GABRA3: variants seen among roughly 807,000 people sequenced by gnomAD.
GABRA3 encodes gamma-aminobutyric acid type A receptor subunit alpha3.
In GABRA3, 10 loss-of-function variants were observed where a neutral mutation model predicts 30.1. The ratio of observed to expected loss-of-function variants is 0.33; its 90% confidence interval spans 0.20 to 0.56. The LOEUF is 0.56. Among genes scored for constraint, GABRA3 ranks in the 20% least tolerant of loss-of-function variants. GABRA3 has a pLI of 0.89. For synonymous variants in GABRA3, 151 were observed against 146.8 expected (o/e 1.03, Z -0.21); for missense variants, 233 against 392.0 (o/e 0.59, Z 3.42).
intron 9 of GABRA3, among the ~76,000 whole-genome samples, chrX:152,188,346 G>A (rs987458176): frequency 9.0e-6 from 1 of 111,366 alleles, no homozygotes; most frequent in South Asian, 3.8e-4. Context: ...ACAATTATAG[G>A]ATTTACAGTT....
chrX:152,182,634 T>A (rs373681811), intron 9 of GABRA3, among the ~76,000 whole-genome samples: 94 of 6,356 alleles, frequency 0.015, no homozygotes, highest in Non-Finnish European at 0.027. Flanking sequence ...ATATATACAC[T>A]ATATATACAC....
At chrX:152,402,774 G>T (rs2124523560) in intron 1 of GABRA3, among the ~76,000 whole-genome samples, 1 of 111,621 alleles carries the variant, frequency 9.0e-6, no homozygotes, top group African/African-American at 3.2e-5. Flanking sequence ...ACCAAGAATG[G>T]GGATACAAAT....
chrX:152,332,199 T>C, intron 3 of GABRA3, among the ~76,000 whole-genome samples: 1 of 112,271 alleles, frequency 8.9e-6, no homozygotes, highest in Non-Finnish European at 1.9e-5. Context: ...TCTTATCCAA[T>C]ACTATAAACA....
At chrX:152,262,713 T>C (rs1284020419) in intron 4 of GABRA3, among the ~76,000 whole-genome samples, 4 of 111,988 alleles carry the variant, frequency 3.6e-5, no homozygotes, top group South Asian at 3.7e-4. Flanking sequence ...TCTAAGTCTC[T>C]AGAAAGTTCC....
At chrX:152,321,752 G>C (rs774254840) in intron 3 of GABRA3, among the ~76,000 whole-genome samples, 3 of 111,110 alleles carry the variant, frequency 2.7e-5, no homozygotes, top group African/African-American at 6.5e-5. Context: ...TTCCTAGTTA[G>C]GTGTTTGTGC....
chrX:152,439,384 C>T (rs746080167), intron 1 of GABRA3, among the ~76,000 whole-genome samples: 132 of 111,117 alleles, frequency 1.2e-3, no homozygotes, highest in Middle Eastern at 4.6e-3. Flanking sequence ...TCACCTGCCA[C>T]GGCCTCCAAA....
At chrX:152,421,961 CT>C (rs199508394) in intron 1 of GABRA3, among the ~76,000 whole-genome samples, 30,522 of 110,116 alleles carry the variant, frequency 0.28, 3,233 homozygotes, top group Admixed American at 0.36. Context: ...ATGTGTAAAT[CT>C]GAACAAAAAC....
At chrX:152,276,286 T>G (rs1939084119) in intron 4 of GABRA3, among the ~76,000 whole-genome samples, 1 of 111,662 alleles carries the variant, frequency 9.0e-6, no homozygotes, top group Non-Finnish European at 1.9e-5. Context: ...ACACCAAAGG[T>G]AATCAGAAAA....
intron 3 of GABRA3, among the ~76,000 whole-genome samples, chrX:152,329,761 T>C (rs1940131391): frequency 9.0e-6 from 1 of 111,462 alleles, no homozygotes; most frequent in Non-Finnish European, 1.9e-5. Context: ...AAAACCTAGG[T>C]GAAACCATTC....
chrX:152,322,298 A>G (rs907187371), intron 3 of GABRA3, among the ~76,000 whole-genome samples: 6 of 111,789 alleles, frequency 5.4e-5, no homozygotes, highest in African/African-American at 2.0e-4. Context: ...GAGGACATAG[A>G]GAATGCAAAT....
chrX:152,423,533 T>C (rs754110870), intron 1 of GABRA3, among the ~76,000 whole-genome samples: 14 of 111,738 alleles, frequency 1.3e-4, no homozygotes, highest in Middle Eastern at 4.8e-3. Context: ...TTATGCACAA[T>C]GGAATAAAAT....
chrX:152,436,821 T>C (rs977722261), intron 1 of GABRA3, among the ~76,000 whole-genome samples: 1 of 111,588 alleles, frequency 9.0e-6, no homozygotes, highest in East Asian at 2.8e-4. Flanking sequence ...TTGAACTTAA[T>C]TAATGCAAAG....
At chrX:152,309,166 G>T (rs992378724) in intron 3 of GABRA3, among the ~76,000 whole-genome samples, 21 of 111,572 alleles carry the variant, frequency 1.9e-4, no homozygotes, top group African/African-American at 6.8e-4. Context: ...ATGATTCATT[G>T]GCATCTCTCA....
intron 5 of GABRA3, among the ~76,000 whole-genome samples, chrX:152,234,823 G>A (rs1033934543): frequency 8.1e-5 from 9 of 111,622 alleles, no homozygotes; most frequent in Non-Finnish European, 1.7e-4. Flanking sequence ...CTTTTCCATT[G>A]ATCAATTTGT....
chrX:152,237,707 C>T (rs200397906), intron 5 of GABRA3, among the ~76,000 whole-genome samples: 3,182 of 105,188 alleles, frequency 0.03, 220 homozygotes, highest in East Asian at 0.27. Flanking sequence ...AGGTCCTTCA[C>T]ATCCCTTGTA....
At chrX:152,220,949 C>T (rs751206138) in intron 6 of GABRA3, among the ~76,000 whole-genome samples, 3 of 109,883 alleles carry the variant, frequency 2.7e-5, no homozygotes, top group Non-Finnish European at 3.8e-5. Flanking sequence ...TTTTTTCTAT[C>T]GAGGTTTCAG....
At chrX:152,315,495 C>T (rs1474184036) in intron 3 of GABRA3, among the ~76,000 whole-genome samples, 2 of 111,292 alleles carry the variant, frequency 1.8e-5, no homozygotes, top group Non-Finnish European at 3.8e-5. Flanking sequence ...CGTGAAGTTT[C>T]CTGGCCAGAA....
chrX:152,208,865 TG>T (rs1317390493), intron 6 of GABRA3, among the ~76,000 whole-genome samples: 1 of 111,516 alleles, frequency 9.0e-6, no homozygotes, highest in African/African-American at 3.3e-5. Context: ...CCCATAACCA[TG>T]AACCAAATAA....
chrX:152,278,039 G>C (rs1939120327), intron 4 of GABRA3, among the ~76,000 whole-genome samples: 1 of 111,730 alleles, frequency 9.0e-6, no homozygotes, highest in South Asian at 3.7e-4. Context: ...TCTACTCTTC[G>C]CCTTCTCTTC....
Sources: allele counts gnomAD v4.1 joint callset (sites outside exome capture counted in the v4.1 genomes callset), GRCh38; gene constraint gnomAD v4.1.1; transcripts MANE v1.5; gene names NCBI Gene and HGNC (gene_info 2026-07-23, HGNC 2026-07-21).